RBM18: variants seen among roughly 807,000 people sequenced by gnomAD.
The protein encoded by RBM18 is probable RNA-binding protein 18.
In RBM18, 18 loss-of-function variants were observed where a neutral mutation model predicts 26.4. The ratio of observed to expected loss-of-function variants is 0.68; its 90% CI spans 0.47 to 1.01. The LOEUF is 1.01. RBM18 is among the 50% of genes least tolerant of loss of function. The pLI is 0.00. For synonymous variants in RBM18, 74 were observed against 81.1 expected (o/e 0.91, Z 0.47); for missense variants, 180 against 219.2 (o/e 0.82, Z 1.13).
At chr9:122,250,959 G>A (rs766581768) in intron 3 of RBM18, among the ~76,000 whole-genome samples, 7 of 151,058 alleles carry the variant, frequency 4.6e-5, no homozygotes, top group South Asian at 2.1e-4. Context: ...TTGCTTTGTC[G>A]CCCAGGCTGG....
At chr9:122,258,483 G>A (rs1007717406) in intron 2 of RBM18, among the ~76,000 whole-genome samples, 4 of 152,068 alleles carry the variant, frequency 2.6e-5, no homozygotes, top group African/African-American at 9.7e-5. Context: ...TGGCTAGGAT[G>A]GTCTCGATTT....
Position 122,252,692 on chromosome 9 carries a change from C to T in RBM18, c.114-719G>A, listed in dbSNP as rs543797968. Among the ~76,000 whole-genome samples, 4 of 152,336 alleles carry T rather than the reference C, an allele frequency of 2.6e-5. No homozygotes were observed. The South Asian group carries it at 6.2e-4, about 24-fold the overall frequency. Reference sequence around the variant, plus strand: ...CTATAAATCACCCAGCTATGGGTAACTAACCAACCTCAGTTGCCTTAAAAC... The same window carrying T: ...CTATAAATCACCCAGCTATGGGTAATTAACCAACCTCAGTTGCCTTAAAAC... On this transcript the variant is annotated intron_variant, in intron 2 of 5. Transcript: ENST00000417201.
rs144194577 is a variant in RBM18, at chr9:122,255,799, C to T, written c.114-3826G>A. ...TCGATGTAAAATTTCTCTACTAACA[C>T]ATCATTGTCTAGCCTGGGCAATATA... On this transcript the variant is annotated intron_variant, in intron 2 of 5. Transcript: ENST00000417201. 3.8e-3 allele frequency among the ~76,000 whole-genome samples: 572 copies of T among 152,260 alleles called. 1 individual carries two copies. The highest frequency in any genetic ancestry group is 6.0e-3 in the Non-Finnish European group (407 of 68,030).
chr9:122,255,663 C>T (rs10818665), intron 2 of RBM18, among the ~76,000 whole-genome samples: 48,885 of 152,050 alleles, frequency 0.32, 9,097 homozygotes, highest in South Asian at 0.48. Context: ...ACTCACTCAT[C>T]AGTCTCCAAG....
intron 3 of RBM18, among the ~76,000 whole-genome samples, chr9:122,251,227 T>C (rs927010326): frequency 6.6e-6 from 1 of 152,182 alleles, no homozygotes; most frequent in Non-Finnish European, 1.5e-5. Context: ...AACTATGCAA[T>C]GTTCTTACAT....
At chr9:122,262,545 T>C (rs1831816835) in intron 1 of RBM18, among the ~76,000 whole-genome samples, 1 of 152,172 alleles carries the variant, frequency 6.6e-6, no homozygotes, top group African/African-American at 2.4e-5. Context: ...AACCTTGGTG[T>C]CAGAAGACAT....
chr9:122,240,793 T>C lies in RBM18; in HGVS notation c.*1091A>G, dbSNP rs534084567. On this transcript the variant is annotated 3_prime_UTR_variant, in exon 6 of 6. Coordinates refer to ENST00000417201, the MANE Select transcript of RBM18 (RefSeq NM_033117.4). ...CAAGTGAAGAATCATTTCCAAGGCA[T>C]GCAGTCCTTTAAAACTACCTACCAC... 6.6e-6 allele frequency: 1 copy of C among 152,346 alleles called. No individual in the cohort carries two copies. Among genetic ancestry groups the C allele is most frequent in the South Asian group, 2.1e-4 (1 of 4,822 alleles). The allele number at this position is 152,346 out of a possible 1,614,324, so 9.4% of individuals were successfully genotyped here.
intron 5 of RBM18, among the ~76,000 whole-genome samples, chr9:122,244,569 C>T (rs565533952): frequency 9.2e-5 from 14 of 152,294 alleles, no homozygotes; most frequent in Admixed American, 2.0e-4. Flanking sequence ...AAATGACACA[C>T]TGCAAATAAA....
chr9:122,250,480 G>A (rs1831582638), intron 3 of RBM18, among the ~76,000 whole-genome samples: 1 of 152,188 alleles, frequency 6.6e-6, no homozygotes, highest in South Asian at 2.1e-4. Context: ...TTCACATTAT[G>A]TAGTCATCAA....
At chr9:122,260,249 G>A (rs1831767360) in intron 2 of RBM18, among the ~76,000 whole-genome samples, 1 of 152,088 alleles carries the variant, frequency 6.6e-6, no homozygotes, top group South Asian at 2.1e-4. Context: ...GGGAGGCTGA[G>A]GCATGAGAAT....
At chr9:122,264,410 C>T (rs1434404268) in intron 1 of RBM18, among the ~76,000 whole-genome samples, 3 of 152,212 alleles carry the variant, frequency 2.0e-5, no homozygotes, top group Non-Finnish European at 4.4e-5. Flanking sequence ...TTACATTTGT[C>T]TTTCCAGCTG....
At chr9:122,243,855 T>C in intron 5 of RBM18, 3 of 985,230 alleles carry the variant, frequency 3.0e-6, no homozygotes, top group Non-Finnish European at 3.6e-6. Flanking sequence ...TAGAGAGATG[T>C]AAGCTGAGGT....
chr9:122,252,120 G>C, intron 2 of RBM18, 147 bp from the exon 3 acceptor site: 1 of 1,006,354 alleles, frequency 9.9e-7, no homozygotes, highest in Non-Finnish European at 1.4e-6. Context: ...TGCTATGTTA[G>C]TTTATTTGGC....
At chr9:122,247,832 T>G (rs920899597) in intron 3 of RBM18, among the ~76,000 whole-genome samples, 1 of 149,364 alleles carries the variant, frequency 6.7e-6, no homozygotes, top group Non-Finnish European at 1.5e-5. Flanking sequence ...CGCCAGGCTC[T>G]GGAGTGCAGT....
At chr9:122,242,559 G>A (rs1434378313) in intron 5 of RBM18, among the ~76,000 whole-genome samples, 1 of 152,016 alleles carries the variant, frequency 6.6e-6, no homozygotes, top group Non-Finnish European at 1.5e-5. Context: ...AAAACATTCT[G>A]GAAATCCTAT....
intron 2 of RBM18, 44 bp from the exon 3 acceptor site, chr9:122,252,017 T>C (rs1564456907): frequency 1.2e-6 from 2 of 1,607,354 alleles, no homozygotes; most frequent in African/African-American, 1.3e-5. Flanking sequence ...GGGAATTCTG[T>C]TGGCCACTCA....
chr9:122,239,569 G>C lies in RBM18; in HGVS notation c.*2315C>G, dbSNP rs1395618326. The C allele has an allele frequency of 6.6e-6, 1 of 152,148 alleles. No individual in the cohort carries two copies. The highest frequency in any genetic ancestry group is 2.4e-5 in the African/African-American group (1 of 41,420). The allele number at this position is 152,148 out of a possible 1,614,324, so 9.4% of individuals were successfully genotyped here. Reference sequence around the variant, plus strand: ...AAACCAAAATAACCAGTAAACCAAAGAATAATTTTACTTAAAGTACAGACA... The same window carrying C: ...AAACCAAAATAACCAGTAAACCAAACAATAATTTTACTTAAAGTACAGACA... On this transcript the variant is annotated 3_prime_UTR_variant, in exon 6 of 6. Transcript: ENST00000417201.
chr9:122,257,830 G>A (rs1259555010), intron 2 of RBM18, among the ~76,000 whole-genome samples: 1 of 152,218 alleles, frequency 6.6e-6, no homozygotes, highest in Non-Finnish European at 1.5e-5. Flanking sequence ...AGAGAGGTAA[G>A]AAGGGTCTGT....
intron 2 of RBM18, among the ~76,000 whole-genome samples, chr9:122,257,107 GCT>G (rs2118971303): frequency 6.6e-6 from 1 of 152,246 alleles, no homozygotes; most frequent in African/African-American, 2.4e-5. Context: ...ACAGCGTCTT[GCT>G]CTGTCGCCCA....
Sources: gnomAD v4.1 joint callset for allele counts (sites outside exome capture counted in the v4.1 genomes callset) on GRCh38, gnomAD v4.1.1 for gene constraint, MANE v1.5 for transcripts, NCBI Gene and HGNC (gene_info 2026-07-23, HGNC 2026-07-21) for gene names.